The following GRB10 variants were observed in gnomAD, a reference collection of about 807,000 sequenced individuals.
GRB10 encodes growth factor receptor bound protein 10.
Under a neutral mutation model 80.9 loss-of-function variants are expected in GRB10, and 20 were observed. The ratio of observed to expected loss-of-function variants is 0.25; its 90% confidence interval spans 0.17 to 0.36. GRB10 has a LOEUF of 0.36. Ranked by LOEUF, GRB10 falls within the 10% of genes least tolerant of loss-of-function variation. GRB10 has a pLI of 1.00. For missense variants in GRB10, 548 were observed against 747.7 expected (o/e 0.73, Z 3.12); for synonymous variants, 291 against 291.5 (o/e 1.00, Z 0.02).
chr7:50,599,610 A>T (rs2153564422), intron 17 of GRB10, among the ~76,000 whole-genome samples: 1 of 152,344 alleles, frequency 6.6e-6, no homozygotes, highest in Non-Finnish European at 1.5e-5. Context: ...GGAAGGCTCC[A>T]GGGAGGACGG....
intron 10 of GRB10, among the ~76,000 whole-genome samples, chr7:50,617,647 G>T (rs2050890462): frequency 6.6e-6 from 1 of 152,130 alleles, no homozygotes; most frequent in African/African-American, 2.4e-5. Context: ...GTGGTAACCC[G>T]ATCATCTTTT....
chr7:50,692,845 C>G (rs1336626256), intron 5 of GRB10, among the ~76,000 whole-genome samples: 1 of 151,980 alleles, frequency 6.6e-6, no homozygotes, highest in Non-Finnish European at 1.5e-5. Flanking sequence ...CAGGGTGGCT[C>G]CTCTAAATTA....
chr7:50,657,197 G>T (rs1042383717), intron 7 of GRB10, among the ~76,000 whole-genome samples: 4 of 152,158 alleles, frequency 2.6e-5, no homozygotes, highest in African/African-American at 7.2e-5. Context: ...AAATGCCGAG[G>T]GGCCAGGAAC....
In GRB10 at chr7:50,669,761, C is replaced by T. The variant is rs746315665; in HGVS notation, c.465G>A (p.Thr155=). The change falls in exon 7 of 19, where the codon ACG becomes ACA. Residue 155 remains threonine (T), a synonymous_variant. Transcript: ENST00000401949. ...CCTGGCTCGGAGGTAAAGAACCCGG[C>T]GTGAGCACAGGGGGGCTCCCAGGGC... The part of the protein sequence containing the change: ...LCGPGSPPVL[T]PGSLPPSQAA... 26 of 1,613,708 alleles carry T rather than the reference C, an allele frequency of 1.6e-5. No homozygotes were observed. The highest frequency in any genetic ancestry group is 3.3e-5 in the South Asian group (3 of 91,076).
chr7:50,789,865 G>A (rs564776206), intron 1 of GRB10, among the ~76,000 whole-genome samples: 2 of 152,256 alleles, frequency 1.3e-5, no homozygotes, highest in South Asian at 4.2e-4. Flanking sequence ...GGCTTCTTCT[G>A]TTGCCATCTC....
chr7:50,752,707 G>A (rs1220932377), intron 3 of GRB10, among the ~76,000 whole-genome samples: 1 of 152,212 alleles, frequency 6.6e-6, no homozygotes, highest in Admixed American at 6.5e-5. Context: ...AGCTGGGCCG[G>A]TCTCCACAGG....
intron 3 of GRB10, among the ~76,000 whole-genome samples, chr7:50,742,745 G>T (rs74418381): frequency 0.038 from 5,716 of 151,958 alleles, 347 homozygotes; most frequent in African/African-American, 0.13. Flanking sequence ...GGGGTGGGGG[G>T]TAATAGTGTT....
At chr7:50,757,231 T>C (rs1451364369) in intron 2 of GRB10, among the ~76,000 whole-genome samples, 2 of 152,214 alleles carry the variant, frequency 1.3e-5, no homozygotes, top group Admixed American at 6.5e-5. Flanking sequence ...ATTGAGTCAT[T>C]GGGGTTCAGT....
chr7:50,625,676 C>A (rs1040672476), intron 8 of GRB10, among the ~76,000 whole-genome samples: 1 of 152,236 alleles, frequency 6.6e-6, no homozygotes, highest in East Asian at 1.9e-4. Flanking sequence ...TGTCGTCACA[C>A]AAATGCGTTT....
intron 5 of GRB10, among the ~76,000 whole-genome samples, chr7:50,692,509 G>C (rs2062947343): frequency 6.6e-6 from 1 of 152,134 alleles, no homozygotes; most frequent in South Asian, 2.1e-4. Context: ...CAGGAAGACA[G>C]GGCGCTAGGG....
chr7:50,647,907 T>G (rs998760592), intron 7 of GRB10, among the ~76,000 whole-genome samples: 22 of 152,136 alleles, frequency 1.4e-4, no homozygotes, highest in African/African-American at 5.3e-4. Flanking sequence ...GGTCTGCTGC[T>G]CTGAGATGGG....
chr7:50,697,278 G>T (rs951128350), intron 5 of GRB10, among the ~76,000 whole-genome samples: 1 of 152,134 alleles, frequency 6.6e-6, no homozygotes, highest in African/African-American at 2.4e-5. Flanking sequence ...TTATACAAAC[G>T]ACTAAAATGG....
chr7:50,747,893 T>C (rs1486198309), intron 3 of GRB10, among the ~76,000 whole-genome samples: 1 of 152,000 alleles, frequency 6.6e-6, no homozygotes, highest in African/African-American at 2.4e-5. Context: ...ATGGGCAGGA[T>C]GCATGTGTGC....
chr7:50,622,162 C>T (rs948742849), intron 8 of GRB10, among the ~76,000 whole-genome samples: 16 of 152,212 alleles, frequency 1.1e-4, no homozygotes, highest in Non-Finnish European at 1.5e-4. Flanking sequence ...ACAGAGTAAT[C>T]AGTGAGATAG....
intron 17 of GRB10, 105 bp from the exon 18 acceptor site, chr7:50,595,635 A>ACACACACACC: frequency 1.3e-6 from 1 of 752,614 alleles, no homozygotes; most frequent in Non-Finnish European, 2.4e-6. Flanking sequence ...ACACACACAC[A>ACACACACACC]CAGGCTTGGA....
At chr7:50,658,086 G>A (rs1178180290) in intron 7 of GRB10, among the ~76,000 whole-genome samples, 1 of 152,218 alleles carries the variant, frequency 6.6e-6, no homozygotes, top group Non-Finnish European at 1.5e-5. Context: ...CTTCTCGACT[G>A]TAAACTCTAG....
chr7:50,603,218 C>T (rs977747142), intron 17 of GRB10, among the ~76,000 whole-genome samples: 15 of 152,236 alleles, frequency 9.9e-5, no homozygotes, highest in African/African-American at 3.1e-4. Context: ...TTCTGGAAGA[C>T]TGCTGGCTCC....
At chr7:50,711,373 G>A (rs1032645782) in intron 4 of GRB10, among the ~76,000 whole-genome samples, 9 of 151,888 alleles carry the variant, frequency 5.9e-5, no homozygotes, top group Non-Finnish European at 1.3e-4. Context: ...GGGCCTTCCT[G>A]CAGGCAGTTT....
intron 5 of GRB10, among the ~76,000 whole-genome samples, chr7:50,694,141 T>C (rs180800450): frequency 2.6e-4 from 39 of 152,246 alleles, no homozygotes; most frequent in Admixed American, 1.2e-3. Flanking sequence ...CTGGCCAACA[T>C]GGCGAAACCC....
Sources: allele counts gnomAD v4.1 joint callset (sites outside exome capture counted in the v4.1 genomes callset), GRCh38; gene constraint gnomAD v4.1.1; transcripts MANE v1.5; gene names NCBI Gene and HGNC (gene_info 2026-07-23, HGNC 2026-07-21).